The following PREX1 variants were observed in gnomAD, a reference collection of about 807,000 sequenced individuals.
PREX1 encodes the protein phosphatidylinositol-3,4,5-trisphosphate dependent Rac exchange factor 1.
PREX1 carries 41 observed loss-of-function variants against 198.3 expected under a neutral mutation model. The ratio of observed to expected loss-of-function variants is 0.21; its 90% CI spans 0.16 to 0.27. PREX1 has a LOEUF of 0.27. PREX1 is among the 10% of genes least tolerant of loss of function. The probability of loss-of-function intolerance (pLI) is 1.00; values close to 1 mark genes in which losing one functional copy is unlikely to be tolerated. For synonymous variants in PREX1, 843 were observed against 887.2 expected (o/e 0.95, Z 0.89); for missense variants, 1,620 against 2,200.7 (o/e 0.74, Z 5.28).
In PREX1 at chr20:48,629,564, G is replaced by A. The variant is rs771899680; in HGVS notation, c.4651C>T (p.His1551Tyr). The part of the protein sequence containing the change: ...ELCRLMKSFV[H>Y]PKPGAAGSVG... ...CTCCCAGCAGCACCAGGCTTTGGGTGGACAAAGGACTTCATGAGGCGGCAG... is the reference window on the plus strand; with the variant it reads ...CTCCCAGCAGCACCAGGCTTTGGGTAGACAAAGGACTTCATGAGGCGGCAG... Residue 1551 changes from histidine to tyrosine, a missense_variant, in exon 37 of 40, where the codon CAC becomes TAC. Physicochemically the swap from His to Tyr is moderately conservative, Grantham distance 83 (BLOSUM62 2). This residue lies in a region of PREX1 where 476 missense variants were observed against 603.4 expected (regional missense o/e 0.79). Transcript: ENST00000371941. The A allele has an allele frequency of 1.1e-5, 18 of 1,614,056 alleles. No individual in the cohort carries two copies. Among genetic ancestry groups the A allele is most frequent in the Admixed American group, 1.7e-5 (1 of 60,004 alleles).
chr20:48,707,510 C>T (rs187437427), intron 6 of PREX1, among the ~76,000 whole-genome samples: 1 of 152,298 alleles, frequency 6.6e-6, no homozygotes, highest in Non-Finnish European at 1.5e-5. Flanking sequence ...CAAGTGACTC[C>T]AAAGGCCAGA....
chr20:48,654,711 C>A (rs1490147332), intron 19 of PREX1, among the ~76,000 whole-genome samples: 1 of 152,196 alleles, frequency 6.6e-6, no homozygotes, highest in African/African-American at 2.4e-5. Context: ...TATGACCACA[C>A]AAGTGAAAAA....
intron 5 of PREX1, among the ~76,000 whole-genome samples, chr20:48,719,539 C>T (rs371324822): frequency 2.1e-4 from 32 of 152,244 alleles, no homozygotes; most frequent in African/African-American, 7.0e-4. Context: ...CTCAGCAAGA[C>T]GGTGACAATG....
intron 1 of PREX1, among the ~76,000 whole-genome samples, chr20:48,803,603 A>T (rs1371646031): frequency 6.6e-6 from 1 of 152,142 alleles, no homozygotes; most frequent in Non-Finnish European, 1.5e-5. Flanking sequence ...CACACGCCAA[A>T]AACAGCTTGT....
rs1264179546 is a variant in PREX1 at position 48,780,376 on chromosome 20, G to C, written c.220-32496C>G. 3.9e-5 allele frequency among the ~76,000 whole-genome samples: 6 copies of C among 152,140 alleles called. No homozygotes were observed. In the East Asian group the frequency reaches 1.2e-3, roughly 29 times the overall value. ...CTCACACCTATAATCCCAGCACTTT[G>C]GGAGGTCAAAGCAGGAGGACTGCTT... On this transcript the variant is annotated intron_variant, in intron 1 of 39. Coordinates refer to ENST00000371941, the MANE Select transcript of PREX1 (RefSeq NM_020820.4).
At chr20:48,756,864 G>T (rs1309742278) in intron 1 of PREX1, among the ~76,000 whole-genome samples, 4 of 152,192 alleles carry the variant, frequency 2.6e-5, no homozygotes, top group Admixed American at 2.6e-4. Flanking sequence ...GGCTGAGGAG[G>T]CCTCACAATC....
chr20:48,706,442 C>T (rs1175603471), intron 6 of PREX1, among the ~76,000 whole-genome samples: 1 of 152,218 alleles, frequency 6.6e-6, no homozygotes, highest in Non-Finnish European at 1.5e-5. Context: ...TTAAATTAGT[C>T]ACCTCTATTT....
rs532557601 is a variant in PREX1, at chr20:48,745,064, C to T, written c.375G>A (p.Pro125=). Residue 125 remains proline (P), a synonymous_variant, in exon 3 of 40, where the codon CCG becomes CCA. Transcript: ENST00000371941. ...CATTCCCAAGTTCATGCTGAGACTG[C>T]GGCTCCGGGTGTAAACAATACTCCA... The part of the protein sequence containing the change: ...AALEYCLHPE[P]QSQHELGNVF... The T allele has an allele frequency of 3.0e-5, 49 of 1,613,946 alleles. No homozygotes were observed. Among genetic ancestry groups the T allele is most frequent in the Non-Finnish European group, 3.6e-5 (43 of 1,179,954 alleles).
intron 1 of PREX1, among the ~76,000 whole-genome samples, chr20:48,822,550 T>C (rs140583697): frequency 4.7e-4 from 72 of 152,346 alleles, no homozygotes; most frequent in African/African-American, 1.5e-3. Context: ...ATTAGCAAAT[T>C]GTTACCATTA....
chr20:48,825,288 C>T lies in PREX1; in HGVS notation c.219+2354G>A, dbSNP rs74444136. Reference sequence around the variant, plus strand: ...CACCAGCTTGGGGACACACAAAAGGCCCAGGCAGAAAGGAAGCCCGGATTC... The same window carrying T: ...CACCAGCTTGGGGACACACAAAAGGTCCAGGCAGAAAGGAAGCCCGGATTC... On this transcript the variant is annotated intron_variant, in intron 1 of 39. Coordinates refer to ENST00000371941, the MANE Select transcript of PREX1 (RefSeq NM_020820.4). 2.0e-5 allele frequency among the ~76,000 whole-genome samples: 3 copies of T among 152,234 alleles called. No individual in the cohort carries two copies. In the South Asian group the frequency reaches 6.2e-4, roughly 32 times the overall value.
chr20:48,770,682 C>G (rs2090231347), intron 1 of PREX1, among the ~76,000 whole-genome samples: 1 of 152,098 alleles, frequency 6.6e-6, no homozygotes, highest in Non-Finnish European at 1.5e-5. Flanking sequence ...TGCATTCCAG[C>G]CTGGGTGACA....
At chr20:48,685,797 G>C (rs907046389) in intron 10 of PREX1, among the ~76,000 whole-genome samples, 1 of 152,168 alleles carries the variant, frequency 6.6e-6, no homozygotes, top group Non-Finnish European at 1.5e-5. Context: ...CTACTCAGGA[G>C]GCAGGAAGAT....
intron 8 of PREX1, 47 bp downstream of exon 8, chr20:48,692,625 C>G (rs1174091736): frequency 7.1e-7 from 1 of 1,417,318 alleles, no homozygotes; most frequent in Non-Finnish European, 9.8e-7. Context: ...TGCCAGGGAG[C>G]AGGCAGGGCT....
chr20:48,798,602 A>G (rs555184923), intron 1 of PREX1, among the ~76,000 whole-genome samples: 37 of 152,242 alleles, frequency 2.4e-4, no homozygotes, highest in Non-Finnish European at 3.8e-4. Context: ...CTCCCAGCCC[A>G]TGCGCTTGCA....
At chr20:48,730,227 C>T (rs1254636436) in intron 4 of PREX1, among the ~76,000 whole-genome samples, 3 of 136,642 alleles carry the variant, frequency 2.2e-5, no homozygotes, top group Non-Finnish European at 4.7e-5. Context: ...TGCACTTCTA[C>T]CCAGATACTA....
intron 21 of PREX1, 132 bp downstream of exon 21, chr20:48,652,454 A>G: frequency 7.5e-7 from 1 of 1,328,554 alleles, no homozygotes; most frequent in South Asian, 1.5e-5. Flanking sequence ...AAGGAAAAAA[A>G]AAACAAACCT....
At chr20:48,690,476 G>T (rs969770210) in intron 9 of PREX1, among the ~76,000 whole-genome samples, 1 of 151,890 alleles carries the variant, frequency 6.6e-6, no homozygotes, top group Non-Finnish European at 1.5e-5. Context: ...GTTGTTGCAC[G>T]CCCACCCCCA....
At chr20:48,807,977 A>C (rs1158270462) in intron 1 of PREX1, among the ~76,000 whole-genome samples, 1 of 152,106 alleles carries the variant, frequency 6.6e-6, no homozygotes, top group Non-Finnish European at 1.5e-5. Flanking sequence ...CATCCTTGCA[A>C]GCCGACTCCT....
intron 9 of PREX1, 74 bp downstream of exon 9, chr20:48,690,873 G>C: frequency 6.3e-7 from 1 of 1,596,240 alleles, no homozygotes; most frequent in Non-Finnish European, 8.5e-7. Context: ...CCCTTCCCTA[G>C]ACACAGCCCC....
Sources: allele counts gnomAD v4.1 joint callset (sites outside exome capture counted in the v4.1 genomes callset), GRCh38; gene constraint gnomAD v4.1.1; regional missense constraint gnomAD v4.1.1; transcripts MANE v1.5; gene names NCBI Gene and HGNC (gene_info 2026-07-23, HGNC 2026-07-21).